The following AACS variants were observed in gnomAD, a reference collection of about 807,000 sequenced individuals.
AACS encodes the protein acetoacetyl-CoA synthetase, also known as acetoacetate-CoA ligase.
Under a neutral mutation model 83.1 loss-of-function variants are expected in AACS, and 69 were observed. The ratio of observed to expected loss-of-function variants is 0.83; its 90% CI spans 0.68 to 1.01. The LOEUF (loss-of-function observed/expected upper bound fraction) is 1.01, where lower values mean the gene tolerates loss of function less well. Among genes scored for constraint, AACS ranks in the 50% least tolerant of loss-of-function variants. The pLI is 0.00. For synonymous variants in AACS, 333 were observed against 343.4 expected (o/e 0.97, Z 0.33); for missense variants, 866 against 882.2 (o/e 0.98, Z 0.23).
At chr12:125,123,902 GTGT>G (rs1338233191) in intron 10 of AACS, 1 of 152,276 alleles carries the variant, frequency 6.6e-6, no homozygotes, top group African/African-American at 2.4e-5. Context: ...TCAGCAGCGT[GTGT>G]TGTTCTGTGA....
At chr12:125,136,988 A>G (rs1030940152) in intron 17 of AACS, 124 bp downstream of exon 17, 27 of 932,552 alleles carry the variant, frequency 2.9e-5, no homozygotes, top group Non-Finnish European at 4.0e-5. Context: ...GTTGCCTAGC[A>G]ACGCCATCCT....
rs2136080535 is a variant in AACS, at chr12:125,094,547, G to T, written c.570+3024G>T. Among the ~76,000 whole-genome samples, 1 of 152,216 alleles carries T rather than the reference G, an allele frequency of 6.6e-6. No homozygotes were observed. The highest frequency in any genetic ancestry group is 2.1e-4 in the South Asian group (1 of 4,810). On this transcript the variant is annotated intron_variant, in intron 5 of 17. Coordinates refer to ENST00000316519, the MANE Select transcript of AACS (RefSeq NM_023928.5). The surrounding 1 kb of genome is among the most constrained non-coding windows in gnomAD (Gnocchi z 4.1). Reference sequence around the variant, plus strand: ...TGCTGCAGAGCCACAGACCGCAGTGGGCTGTCCAGGGAGTGCTGGGGCATC... The same window carrying T: ...TGCTGCAGAGCCACAGACCGCAGTGTGCTGTCCAGGGAGTGCTGGGGCATC...
At chr12:125,081,775 G>A (rs1232965112) in intron 3 of AACS, among the ~76,000 whole-genome samples, 2 of 152,094 alleles carry the variant, frequency 1.3e-5, no homozygotes, top group Non-Finnish European at 2.9e-5. Flanking sequence ...AAGTTTTCTG[G>A]GCTGGGAATG....
chr12:125,108,536 C>G (rs748862388), intron 8 of AACS, among the ~76,000 whole-genome samples: 23 of 152,254 alleles, frequency 1.5e-4, no homozygotes, highest in Non-Finnish European at 2.8e-4. Flanking sequence ...ACAGTTCAGC[C>G]CATGACACAT....
rs187233273 is a variant in AACS, at chr12:125,094,487, C to T, written c.570+2964C>T. On this transcript the variant is annotated intron_variant, in intron 5 of 17. Transcript: ENST00000316519. This position sits in a 1 kb window ranked among gnomAD's most constrained non-coding sequence, Gnocchi z 4.1. ...ACACGCCTGTCCACTGAGAGCTCCTCGGCTGGCTGTGCTGGGTGCTGAAGG... is the reference window on the plus strand; with the variant it reads ...ACACGCCTGTCCACTGAGAGCTCCTTGGCTGGCTGTGCTGGGTGCTGAAGG... 5.4e-3 allele frequency among the ~76,000 whole-genome samples: 826 copies of T among 152,310 alleles called. 8 individuals are homozygous for T. The highest frequency in any genetic ancestry group is 0.027 in the Middle Eastern group (8 of 294).
In AACS at chr12:125,065,435, A is replaced by C; in HGVS notation, c.-150A>C. ...CCGCAGGAGGCGGCGGCGGCCGTTCAGTCCCTTGTTCCCCGCCGCCGCCGT... is the reference window on the plus strand; with the variant it reads ...CCGCAGGAGGCGGCGGCGGCCGTTCCGTCCCTTGTTCCCCGCCGCCGCCGT... On this transcript the variant is annotated 5_prime_UTR_variant, in exon 1 of 18. Transcript: ENST00000316519. 2 of 761,124 alleles carry C rather than the reference A, an allele frequency of 2.6e-6. No homozygotes were observed. The highest frequency in any genetic ancestry group is 3.7e-6 in the Non-Finnish European group (2 of 541,338). The allele number at this position is 761,124 out of a possible 1,614,324, so 47.1% of individuals were successfully genotyped here.
chr12:125,083,517 C>G (rs1956253790), intron 3 of AACS, among the ~76,000 whole-genome samples: 1 of 152,032 alleles, frequency 6.6e-6, no homozygotes, highest in Non-Finnish European at 1.5e-5. Context: ...TTTTAACATA[C>G]ATTTCTTTGA....
intron 8 of AACS, among the ~76,000 whole-genome samples, chr12:125,110,844 T>C (rs556217062): frequency 6.6e-6 from 1 of 152,364 alleles, no homozygotes; most frequent in African/African-American, 2.4e-5. Flanking sequence ...AGGAAATATT[T>C]ACATTGGAAT....
intron 2 of AACS, among the ~76,000 whole-genome samples, chr12:125,074,660 G>GTTTTTTTTT (rs869194296): frequency 8.2e-6 from 1 of 122,158 alleles, no homozygotes; most frequent in Non-Finnish European, 1.7e-5. Context: ...CATTGTTGTA[G>GTTTTTTTTT]TTTTTTTTTT....
chr12:125,101,610 C>T (rs919017886), intron 5 of AACS: 1 of 152,090 alleles, frequency 6.6e-6, no homozygotes, highest in South Asian at 2.1e-4. Context: ...CAGGCTCTTT[C>T]TGTAAGGTGG....
At chr12:125,106,150 G>A (rs1956829117) in intron 7 of AACS, among the ~76,000 whole-genome samples, 2 of 152,182 alleles carry the variant, frequency 1.3e-5, no homozygotes, top group African/African-American at 2.4e-5. Context: ...CTAGCAAATG[G>A]CTGCAGGCTG....
intron 9 of AACS, among the ~76,000 whole-genome samples, chr12:125,116,817 AGCCCTGG>A (rs1429637089): frequency 6.6e-6 from 1 of 152,006 alleles, no homozygotes; most frequent in Non-Finnish European, 1.5e-5. Context: ...CATGTCCTGC[AGCCCTGG>A]GCCCAGGCTA....
Position 125,091,501 on chromosome 12 carries a change from C to T in AACS, c.548C>T (p.Thr183Met), listed in dbSNP as rs754802369. Residue 183 changes from threonine (T) to methionine (M), a missense_variant, in exon 5 of 18, where the codon ACG becomes ATG. Thr to Met is a moderately conservative substitution (Grantham distance 81). Coordinates refer to ENST00000316519, the MANE Select transcript of AACS (RefSeq NM_023928.5). ...AGCATTGGTGCCATCTGGAGCTCCA[C>T]GTCCCCGGACTTCGGTGTGAATGTG... ...AASIGAIWSS[T>M]SPDFGVNGVL... 98 of 1,614,134 alleles carry T rather than the reference C, an allele frequency of 6.1e-5. No individual in the cohort carries two copies. Among genetic ancestry groups the T allele is most frequent in the Non-Finnish European group, 7.4e-5 (87 of 1,180,056 alleles).
At chr12:125,079,784 A>T (rs1220312167) in intron 3 of AACS, among the ~76,000 whole-genome samples, 1 of 152,142 alleles carries the variant, frequency 6.6e-6, no homozygotes, top group African/African-American at 2.4e-5. Flanking sequence ...TCAAGAGGTT[A>T]TGCAGCCACC....
At chr12:125,098,448 A>G (rs1592969615) in intron 5 of AACS, among the ~76,000 whole-genome samples, 1 of 145,494 alleles carries the variant, frequency 6.9e-6, no homozygotes, top group Non-Finnish European at 1.5e-5. Flanking sequence ...TGTTTTTCTC[A>G]TTACCTTTTT....
chr12:125,140,536 G>C lies in AACS; in HGVS notation c.1882-1556G>C, dbSNP rs1027074761. The C allele has an allele frequency of 6.6e-6, 1 of 152,032 alleles. No homozygotes were observed. The highest frequency in any genetic ancestry group is 2.4e-5 in the African/African-American group (1 of 41,390). The allele number at this position is 152,032 out of a possible 1,614,324, so 9.4% of individuals were successfully genotyped here. A position where few individuals can be genotyped will look rare whatever the true frequency, so the allele number is the denominator to read the frequency against. ...AGTGACAGGCAGGCCCTTGGAAGCCGGTGCTTAGATCCTTAATTAGTTCAC... is the reference window on the plus strand; with the variant it reads ...AGTGACAGGCAGGCCCTTGGAAGCCCGTGCTTAGATCCTTAATTAGTTCAC... On this transcript the variant is annotated intron_variant, in intron 17 of 17. Coordinates refer to ENST00000316519, the MANE Select transcript of AACS (RefSeq NM_023928.5). This position sits in a 1 kb window ranked among gnomAD's most constrained non-coding sequence, Gnocchi z 5.1.
intron 9 of AACS, among the ~76,000 whole-genome samples, chr12:125,116,154 G>A (rs963623826): frequency 1.3e-5 from 2 of 152,134 alleles, no homozygotes; most frequent in Admixed American, 6.5e-5. Context: ...TGTGTGCTGG[G>A]TCCTTTCTGA....
intron 8 of AACS, among the ~76,000 whole-genome samples, chr12:125,109,022 A>G (rs1206079065): frequency 1.3e-5 from 2 of 152,110 alleles, no homozygotes; most frequent in Non-Finnish European, 2.9e-5. Flanking sequence ...TGAAAAAAAT[A>G]AAATACCTAG....
intron 6 of AACS, 23 bp downstream of exon 6, chr12:125,102,816 A>G: frequency 6.2e-7 from 1 of 1,607,996 alleles, no homozygotes; most frequent in Non-Finnish European, 8.5e-7. Context: ...TCCGGCTCCC[A>G]GCCGGCATGG....
Sources: gnomAD v4.1 joint callset for allele counts (sites outside exome capture counted in the v4.1 genomes callset) on GRCh38, gnomAD v4.1.1 for gene constraint, Gnocchi (gnomAD v3.1) non-coding constraint, MANE v1.5 for transcripts, NCBI Gene and HGNC (gene_info 2026-07-23, HGNC 2026-07-21) for gene names.